The following OPCML variants were observed in gnomAD, a reference collection of about 807,000 sequenced individuals.
OPCML encodes opioid-binding protein/cell adhesion molecule.
A neutral mutation model predicts 37.8 loss-of-function variants in OPCML; 13 were observed. The ratio of observed to expected loss-of-function variants is 0.34; its 90% CI spans 0.22 to 0.55. The LOEUF (loss-of-function observed/expected upper bound fraction) is 0.55, where lower values mean the gene tolerates loss of function less well. Among genes scored for constraint, OPCML ranks in the 20% least tolerant of loss-of-function variants. OPCML has a pLI of 0.91. For synonymous variants in OPCML, 176 were observed against 168.8 expected (o/e 1.04, Z -0.33); for missense variants, 341 against 435.6 (o/e 0.78, Z 1.93).
chr11:132,666,498 A>G (rs1428153123), intron 2 of OPCML, among the ~76,000 whole-genome samples: 1 of 152,170 alleles, frequency 6.6e-6, no homozygotes, highest in African/African-American at 2.4e-5. Context: ...ACATTTCTAG[A>G]TGAGGTTTGG....
At chr11:132,853,332 A>G (rs1352370772) in intron 2 of OPCML, among the ~76,000 whole-genome samples, 4 of 152,184 alleles carry the variant, frequency 2.6e-5, no homozygotes, top group Non-Finnish European at 5.9e-5. Context: ...TATATAATGA[A>G]ATGTGTCAAT....
intron 2 of OPCML, among the ~76,000 whole-genome samples, chr11:132,720,369 G>T (rs1477173209): frequency 6.6e-6 from 1 of 152,212 alleles, no homozygotes; most frequent in Non-Finnish European, 1.5e-5. Context: ...CCTATGGCCT[G>T]CCTCAGCTTT....
intron 3 of OPCML, among the ~76,000 whole-genome samples, chr11:132,557,184 A>G (rs2096397587): frequency 6.6e-6 from 1 of 152,180 alleles, no homozygotes; most frequent in South Asian, 2.1e-4. Flanking sequence ...GTTATTAAAT[A>G]CAGTGCTCAG....
rs371432393 is a variant in OPCML, at chr11:132,695,218, GGCCCCTTAGAACTTT to G, written c.147-37914_147-37900del. On this transcript the variant is annotated intron_variant, in intron 2 of 7. Transcript: ENST00000524381. ...GTGAGAGACTGTTCATTGGAAGCACGGCCCCTTAGAACTTTGCCTGTCCATTTTGGGAGTTGGAGT... is the reference window on the plus strand; with the variant it reads ...GTGAGAGACTGTTCATTGGAAGCACGGCCTGTCCATTTTGGGAGTTGGAGT... Among the ~76,000 whole-genome samples the G allele has an allele frequency of 9.2e-5, 14 of 152,254 alleles. No individual in the cohort carries two copies. In the East Asian group the frequency reaches 2.7e-3, roughly 29 times the overall value.
intron 2 of OPCML, among the ~76,000 whole-genome samples, chr11:132,754,384 G>A (rs1945959160): frequency 6.6e-6 from 1 of 152,018 alleles, no homozygotes; most frequent in Admixed American, 6.6e-5. Flanking sequence ...TTTAAAAGAG[G>A]AGCTCCCCTG....
intron 1 of OPCML, among the ~76,000 whole-genome samples, chr11:133,447,356 C>G (rs950117713): frequency 6.6e-6 from 1 of 152,120 alleles, no homozygotes; most frequent in African/African-American, 2.4e-5. Context: ...ATCCCTTGGT[C>G]TTCTGTTTTT....
intron 4 of OPCML, among the ~76,000 whole-genome samples, chr11:132,449,524 A>G (rs902948415): frequency 6.6e-6 from 1 of 152,202 alleles, no homozygotes; most frequent in Non-Finnish European, 1.5e-5. Context: ...CTTCTTAGTT[A>G]CATGGCTCAC....
intron 3 of OPCML, among the ~76,000 whole-genome samples, chr11:132,612,298 G>A (rs1218172538): frequency 2.6e-5 from 4 of 152,048 alleles, no homozygotes; most frequent in Admixed American, 6.5e-5. Context: ...TATTGTGAAC[G>A]CAATAATGAA....
intron 1 of OPCML, among the ~76,000 whole-genome samples, chr11:133,019,128 TGACACCTGGCC>T (rs1947400236): frequency 1.3e-5 from 2 of 152,184 alleles, no homozygotes; most frequent in African/African-American, 2.4e-5. Flanking sequence ...CCTGGACACA[TGACACCTGGCC>T]TGTGGATTGT....
chr11:132,444,770 C>T (rs2096049036), intron 4 of OPCML, among the ~76,000 whole-genome samples: 2 of 152,138 alleles, frequency 1.3e-5, no homozygotes, highest in African/African-American at 4.8e-5. Context: ...TCCTTAGAAC[C>T]CTACTGGCAA....
intron 1 of OPCML, among the ~76,000 whole-genome samples, chr11:132,947,175 T>G (rs1486235348): frequency 6.6e-6 from 1 of 152,162 alleles, no homozygotes; most frequent in Admixed American, 6.5e-5. Context: ...AAAGATTGCT[T>G]GAGACAGGAA....
chr11:132,723,946 G>C (rs2135987299), intron 2 of OPCML, among the ~76,000 whole-genome samples: 1 of 152,310 alleles, frequency 6.6e-6, no homozygotes, highest in East Asian at 1.9e-4. Flanking sequence ...GGCAGAGATG[G>C]CCATGTGGGG....
intron 4 of OPCML, among the ~76,000 whole-genome samples, chr11:132,500,310 G>A (rs2096242849): frequency 6.6e-6 from 1 of 152,058 alleles, no homozygotes. Flanking sequence ...ATAGGTCTGG[G>A]GTGGGACATG....
intron 1 of OPCML, among the ~76,000 whole-genome samples, chr11:133,368,664 C>T (rs1944607025): frequency 6.6e-6 from 1 of 152,160 alleles, no homozygotes; most frequent in South Asian, 2.1e-4. Context: ...TACATGTTCC[C>T]ATAAATATCC....
Position 132,951,322 on chromosome 11 carries a change from C to T in OPCML, c.62-8312G>A, listed in dbSNP as rs551668259. On this transcript the variant is annotated intron_variant, in intron 1 of 7. Transcript: ENST00000524381. ...TGCAAGTCTGAGATCAGGGTGCCAG[C>T]GTGAACATGCTCCGACGAGGGCTCT... 1.0e-3 allele frequency among the ~76,000 whole-genome samples: 153 copies of T among 152,302 alleles called. 1 individual carries two copies. Among genetic ancestry groups the T allele is most frequent in the Non-Finnish European group, 1.6e-3 (109 of 68,032 alleles).
chr11:132,540,960 C>CT (rs2096354952), intron 3 of OPCML, among the ~76,000 whole-genome samples: 1 of 152,146 alleles, frequency 6.6e-6, no homozygotes, highest in African/African-American at 2.4e-5. Flanking sequence ...TCCTTTCCCC[C>CT]CCGACTTGTA....
At chr11:132,593,361 C>A (rs1432414099) in intron 3 of OPCML, among the ~76,000 whole-genome samples, 1 of 152,122 alleles carries the variant, frequency 6.6e-6, no homozygotes, top group Non-Finnish European at 1.5e-5. Context: ...TAGACCATGG[C>A]AAAGAGCATG....
intron 1 of OPCML, among the ~76,000 whole-genome samples, chr11:132,981,843 C>T (rs1946590815): frequency 6.6e-6 from 1 of 152,188 alleles, no homozygotes; most frequent in South Asian, 2.1e-4. Context: ...CTCATTTTTA[C>T]TTGCCAGGTT....
intron 1 of OPCML, among the ~76,000 whole-genome samples, chr11:133,024,202 G>A (rs1947505529): frequency 6.6e-6 from 1 of 152,184 alleles, no homozygotes; most frequent in Non-Finnish European, 1.5e-5. Context: ...CAGCGAGTAG[G>A]AAGGAGGATT....
Sources: gnomAD v4.1 joint callset for allele counts (sites outside exome capture counted in the v4.1 genomes callset) on GRCh38, gnomAD v4.1.1 for gene constraint, MANE v1.5 for transcripts, NCBI Gene and HGNC (gene_info 2026-07-23, HGNC 2026-07-21) for gene names.